Variants in CFAP299 observed in about 807,000 individuals in gnomAD.
The protein encoded by CFAP299 is cilia- and flagella-associated protein 299.
A neutral mutation model predicts 27.0 loss-of-function variants in CFAP299; 21 were observed. The observed-to-expected ratio is 0.78, with a 90% CI of 0.55 to 1.12. The LOEUF (loss-of-function observed/expected upper bound fraction) is 1.12. Among genes scored for constraint, CFAP299 ranks in the 50% most tolerant of loss-of-function variants. The pLI is 0.00. For synonymous variants in CFAP299, 104 were observed against 98.1 expected (o/e 1.06, Z -0.36); for missense variants, 310 against 276.6 (o/e 1.12, Z -0.86).
intron 3 of CFAP299, among the ~76,000 whole-genome samples, chr4:80,750,474 CT>C (rs537005964): frequency 1.8e-4 from 28 of 152,260 alleles, no homozygotes; most frequent in African/African-American, 5.8e-4. Context: ...AGGAATCCAC[CT>C]GTGGCTTTAC....
chr4:80,554,494 G>A (rs147901530), intron 2 of CFAP299, among the ~76,000 whole-genome samples: 1,385 of 133,108 alleles, frequency 0.01, 15 homozygotes, highest in African/African-American at 0.038. Flanking sequence ...GTCTATATAC[G>A]TTTTCCACTA....
At chr4:80,558,822 C>T (rs1482291317) in intron 2 of CFAP299, among the ~76,000 whole-genome samples, 1 of 152,026 alleles carries the variant, frequency 6.6e-6, no homozygotes, top group East Asian at 1.9e-4. Flanking sequence ...TAAAATAGAA[C>T]ACTGCATTTA....
intron 3 of CFAP299, among the ~76,000 whole-genome samples, chr4:80,695,914 T>C (rs1721058457): frequency 6.6e-6 from 1 of 152,152 alleles, no homozygotes; most frequent in South Asian, 2.1e-4. Context: ...CTTCCCAAAG[T>C]GCTAGGATTA....
intron 2 of CFAP299, among the ~76,000 whole-genome samples, chr4:80,425,511 G>A (rs1287274798): frequency 6.6e-6 from 1 of 152,192 alleles, no homozygotes; most frequent in Non-Finnish European, 1.5e-5. Flanking sequence ...TTTCCTTGGG[G>A]AAGGACTAAT....
chr4:80,664,894 G>A (rs1022627105), intron 3 of CFAP299, among the ~76,000 whole-genome samples: 10 of 152,124 alleles, frequency 6.6e-5, no homozygotes, highest in Admixed American at 2.0e-4. Flanking sequence ...TGTGGATTGC[G>A]AAGACCTTGG....
chr4:80,395,172 C>G (rs1211249312), intron 2 of CFAP299, among the ~76,000 whole-genome samples: 1 of 151,712 alleles, frequency 6.6e-6, no homozygotes, highest in Non-Finnish European at 1.5e-5. Flanking sequence ...TATTTTCATG[C>G]TATTGTAATT....
intron 3 of CFAP299, among the ~76,000 whole-genome samples, chr4:80,690,012 A>T (rs1720547104): frequency 6.7e-6 from 1 of 149,176 alleles, no homozygotes; most frequent in South Asian, 2.1e-4. Flanking sequence ...ATATATATGC[A>T]CCCAACACAG....
chr4:80,506,076 T>G (rs1035925119), intron 2 of CFAP299, among the ~76,000 whole-genome samples: 1 of 151,800 alleles, frequency 6.6e-6, no homozygotes, highest in South Asian at 2.1e-4. Context: ...CGTGCTTATT[T>G]TGTCCCTTTT....
intron 2 of CFAP299, among the ~76,000 whole-genome samples, chr4:80,449,642 G>C (rs1448829722): frequency 1.3e-5 from 2 of 151,178 alleles, no homozygotes; most frequent in Non-Finnish European, 3.0e-5. Context: ...TATTTTCTCA[G>C]TTTTCTAGAA....
intron 3 of CFAP299, among the ~76,000 whole-genome samples, chr4:80,677,916 G>A (rs7693520): frequency 0.046 from 6,925 of 152,032 alleles, 549 homozygotes; most frequent in African/African-American, 0.16. Flanking sequence ...TTGTTTTCAG[G>A]GTATTTGACT....
chr4:80,931,905 T>C (rs1341967784), intron 4 of CFAP299, among the ~76,000 whole-genome samples: 3 of 152,174 alleles, frequency 2.0e-5, no homozygotes, highest in African/African-American at 7.2e-5. Flanking sequence ...CTTTTTCAAC[T>C]GTAAGGAGAC....
chr4:80,845,207 C>CT (rs1187543193), intron 3 of CFAP299, among the ~76,000 whole-genome samples: 1 of 150,542 alleles, frequency 6.6e-6, no homozygotes, highest in Non-Finnish European at 1.5e-5. Context: ...CAGCTTTGTT[C>CT]TTTTGGCTTA....
chr4:80,550,393 C>G (rs1245131939), intron 2 of CFAP299, among the ~76,000 whole-genome samples: 1 of 152,044 alleles, frequency 6.6e-6, no homozygotes, highest in Non-Finnish European at 1.5e-5. Context: ...ATATGCAACT[C>G]TTCAACCTCT....
At chr4:80,403,649 C>A (rs1449484957) in intron 2 of CFAP299, among the ~76,000 whole-genome samples, 1 of 152,096 alleles carries the variant, frequency 6.6e-6, no homozygotes, top group Non-Finnish European at 1.5e-5. Flanking sequence ...TCATCTAAAC[C>A]AGCCACCCAG....
At chr4:80,612,842 CTCACTTT>C (rs1738068531) in intron 3 of CFAP299, among the ~76,000 whole-genome samples, 2 of 152,058 alleles carry the variant, frequency 1.3e-5, no homozygotes, top group Non-Finnish European at 2.9e-5. Flanking sequence ...GCCTTGGGCA[CTCACTTT>C]CATTTAGCAC....
intron 2 of CFAP299, among the ~76,000 whole-genome samples, chr4:80,364,590 G>A (rs1024176359): frequency 6.6e-6 from 1 of 152,148 alleles, no homozygotes; most frequent in South Asian, 2.1e-4. Flanking sequence ...CCCTTTGTTT[G>A]TTATTTCTTC....
At chr4:80,548,621 T>A (rs534721537) in intron 2 of CFAP299, among the ~76,000 whole-genome samples, 2 of 152,248 alleles carry the variant, frequency 1.3e-5, no homozygotes, top group Non-Finnish European at 2.9e-5. Context: ...GTTCTATGAA[T>A]GCAGTATATT....
chr4:80,762,725 C>G (rs79130851), intron 3 of CFAP299, among the ~76,000 whole-genome samples: 21,397 of 152,088 alleles, frequency 0.14, 1,845 homozygotes, highest in African/African-American at 0.23. Context: ...TTGCTGTCAG[C>G]TCCCTGTGGG....
intron 2 of CFAP299, among the ~76,000 whole-genome samples, chr4:80,515,877 A>G (rs1194593064): frequency 6.6e-6 from 1 of 152,178 alleles, no homozygotes; most frequent in Non-Finnish European, 1.5e-5. Context: ...CCTTTGCTGA[A>G]GGAGCTGATG....
Sources: gnomAD v4.1 joint callset for allele counts (sites outside exome capture counted in the v4.1 genomes callset) on GRCh38, gnomAD v4.1.1 for gene constraint, MANE v1.5 for transcripts, NCBI Gene and HGNC (gene_info 2026-07-23, HGNC 2026-07-21) for gene names.